INTS12: variants seen among roughly 807,000 people sequenced by gnomAD.
The protein encoded by INTS12 is integrator complex subunit 12.
A neutral mutation model predicts 41.6 loss-of-function variants in INTS12; 13 were observed. The observed-to-expected ratio is 0.31, with a 90% CI of 0.20 to 0.50. The LOEUF (loss-of-function observed/expected upper bound fraction) is 0.50. INTS12 is among the 20% of genes least tolerant of loss of function. The pLI, the probability that INTS12 is intolerant of heterozygous loss-of-function variation, is 0.98. For synonymous variants in INTS12, 199 were observed against 191.4 expected (o/e 1.04, Z -0.33); for missense variants, 432 against 541.6 (o/e 0.80, Z 2.01).
intron 6 of INTS12, among the ~76,000 whole-genome samples, chr4:105,689,804 G>A (rs1731622229): frequency 6.6e-6 from 1 of 152,182 alleles, no homozygotes; most frequent in African/African-American, 2.4e-5. Flanking sequence ...TACTTGGGAG[G>A]CTGAGGTGGG....
chr4:105,701,599 C>T (rs1449659760), intron 2 of INTS12, among the ~76,000 whole-genome samples: 1 of 152,072 alleles, frequency 6.6e-6, no homozygotes, highest in Non-Finnish European at 1.5e-5. Context: ...GTAAACCTGC[C>T]ATTCCCCCAG....
intron 1 of INTS12, chr4:105,708,174 G>A: frequency 1.0e-6 from 1 of 985,404 alleles, no homozygotes; most frequent in Non-Finnish European, 1.2e-6. Context: ...TGGAATCGCA[G>A]GAGAAAAGGC....
At chr4:105,704,500 C>G (rs570093881) in intron 1 of INTS12, among the ~76,000 whole-genome samples, 16 of 152,338 alleles carry the variant, frequency 1.1e-4, no homozygotes, top group African/African-American at 2.6e-4. Flanking sequence ...TGTGTTAAGC[C>G]TTCCAGGCAA....
chr4:105,685,013 A>T (rs1731454216), intron 7 of INTS12, among the ~76,000 whole-genome samples: 2 of 152,248 alleles, frequency 1.3e-5, no homozygotes, highest in East Asian at 3.9e-4. Context: ...GACACATAGA[A>T]GTAATATAAC....
At chr4:105,692,238 C>T in intron 5 of INTS12, 103 bp from the exon 6 acceptor site, 1 of 1,084,950 alleles carries the variant, frequency 9.2e-7, no homozygotes, top group African/African-American at 1.6e-5. Context: ...AATCCCAGCA[C>T]TTTGGGAGGC....
chr4:105,688,169 C>A (rs911115518), intron 6 of INTS12, among the ~76,000 whole-genome samples: 2 of 152,130 alleles, frequency 1.3e-5, no homozygotes, highest in African/African-American at 4.8e-5. Context: ...ACTGTTTATT[C>A]ATCATTATTA....
At chr4:105,685,373 T>C (rs1262136672) in intron 7 of INTS12, among the ~76,000 whole-genome samples, 1 of 152,150 alleles carries the variant, frequency 6.6e-6, no homozygotes, top group African/African-American at 2.4e-5. Flanking sequence ...ATGCAGAATA[T>C]AGCAACTCTA....
At chr4:105,691,237 G>A (rs1459610721) in intron 6 of INTS12, among the ~76,000 whole-genome samples, 1 of 152,066 alleles carries the variant, frequency 6.6e-6, no homozygotes, top group Non-Finnish European at 1.5e-5. Flanking sequence ...TTTAAGGCAG[G>A]GGAAGAGAGA....
At chr4:105,707,933 A>C (rs1039116297) in intron 1 of INTS12, 20 of 984,908 alleles carry the variant, frequency 2.0e-5, no homozygotes, top group Non-Finnish European at 2.4e-5. Context: ...CAATCTCAAA[A>C]GAAGTCCAAA....
intron 4 of INTS12, among the ~76,000 whole-genome samples, chr4:105,695,276 T>C (rs1381124117): frequency 6.6e-6 from 1 of 152,064 alleles, no homozygotes; most frequent in Non-Finnish European, 1.5e-5. Context: ...GTTACTATAC[T>C]CCCTAGGACT....
intron 1 of INTS12, 136 bp from the exon 2 acceptor site, chr4:105,703,945 C>T (rs975714646): frequency 3.3e-5 from 5 of 152,076 alleles, no homozygotes; most frequent in Non-Finnish European, 5.9e-5. Context: ...TGTAGTGTCA[C>T]CTGGATCTGG....
chr4:105,708,420 G>C, intron 1 of INTS12: 3 of 985,450 alleles, frequency 3.0e-6, no homozygotes, highest in Non-Finnish European at 3.6e-6. Context: ...AAATATGCTC[G>C]GTCCGCATGT....
At chr4:105,694,996 C>A (rs1731809838) in intron 4 of INTS12, among the ~76,000 whole-genome samples, 1 of 152,034 alleles carries the variant, frequency 6.6e-6, no homozygotes, top group Admixed American at 6.5e-5. Context: ...ACGATCACCG[C>A]TCACTGCAAT....
chr4:105,695,037 AC>A (rs1276121745), intron 4 of INTS12, among the ~76,000 whole-genome samples: 8 of 63,332 alleles, frequency 1.3e-4, no homozygotes, highest in African/African-American at 5.1e-4. Context: ...CAATCCTCCC[AC>A]CCCCCACCCG....
In INTS12 at chr4:105,686,781, G is replaced by C; in HGVS notation, c.715C>G (p.Pro239Ala). The C allele has an allele frequency of 6.2e-7, 1 of 1,613,678 alleles. No individual in the cohort carries two copies. The highest frequency in any genetic ancestry group is 8.5e-7 in the Non-Finnish European group (1 of 1,179,790). ...TTAACCAATGGATCTTTGACAGCTG[G>C]AGTTACAGAAACAACTGCAGGGGCT... ...KPAPAVVSVT[P>A]AVKDPLVKKP... The change falls in exon 7 of 8, where the codon CCA becomes GCA. Residue 239 changes from proline (P) to alanine (A), a missense_variant. Around this residue, in one of 3 missense-constraint regions of INTS12, gnomAD observed 258 missense variants for 309.9 expected, o/e 0.83. Transcript: ENST00000340139.
rs151045255 is a variant in INTS12 at position 105,703,415 on chromosome 4, A to T, written c.-10+233T>A. On this transcript the variant is annotated intron_variant, in intron 2 of 7. Transcript: ENST00000340139. ...AAATGCATATAGCACAAAAATCGCCATTACTGAACAATGATCTTTTTTCTG... is the reference window on the plus strand; with the variant it reads ...AAATGCATATAGCACAAAAATCGCCTTTACTGAACAATGATCTTTTTTCTG... 4.2e-3 allele frequency among the ~76,000 whole-genome samples: 646 copies of T among 152,322 alleles called. 2 individuals are homozygous for T. The highest frequency in any genetic ancestry group is 0.024 in the Middle Eastern group (7 of 294).
Position 105,699,993 on chromosome 4 carries a change from C to T in INTS12, c.13G>A (p.Val5Met). 1 of 1,504,854 alleles carries T rather than the reference C, an allele frequency of 6.6e-7. No individual in the cohort carries two copies. Among genetic ancestry groups the T allele is most frequent in the Admixed American group, 1.8e-5 (1 of 54,070 alleles). The allele number at this position is 1,504,854 out of a possible 1,614,324, so 93.2% of individuals were successfully genotyped here. A position where few individuals can be genotyped will look rare whatever the true frequency, so the allele number is the denominator to read the frequency against. Residue 5 changes from valine (V) to methionine (M), a missense_variant, in exon 3 of 8, where the codon GTG becomes ATG. Physicochemically the swap from Val to Met is conservative, Grantham distance 21 (BLOSUM62 1). This residue lies in a region of INTS12 where 168 missense variants were observed against 198.9 expected (regional missense o/e 0.84). Transcript: ENST00000340139. MAAT[V>M]NLELDPIFLK... ...AAAATGGGATCAAGTTCCAAGTTCA[C>T]AGTAGCAGCCATTGCAAACGCCTGA...
Position 105,693,867 on chromosome 4 carries a change from A to T in INTS12, c.310-381T>A, listed in dbSNP as rs764508490. Among the ~76,000 whole-genome samples, 68 of 151,374 alleles carry T rather than the reference A, an allele frequency of 4.5e-4. 1 individual carries two copies. Among genetic ancestry groups the T allele is most frequent in the Non-Finnish European group, 1.6e-4 (11 of 67,674 alleles). Reference sequence around the variant, plus strand: ...TTCCCTTCTTTAAGATATAAATATTATCAATATACCCATTAGATTTGGCAA... The same window carrying T: ...TTCCCTTCTTTAAGATATAAATATTTTCAATATACCCATTAGATTTGGCAA... On this transcript the variant is annotated intron_variant, in intron 4 of 7. Coordinates refer to ENST00000340139, the MANE Select transcript of INTS12 (RefSeq NM_020395.4).
Position 105,708,484 on chromosome 4 carries a change from A to AT in INTS12, c.-172+153_-172+154insA, listed in dbSNP as rs145106449. The AT allele has an allele frequency of 2.8e-3, 2,711 of 985,436 alleles. 65 individuals carry two copies. The African/African-American group carries it at 0.045, about 16-fold the overall frequency. The allele number at this position is 985,436 out of a possible 1,614,324, so 61.0% of individuals were successfully genotyped here. ...ACAGTCCTCACTGAAAGGGGAGAGCAGTCAGTCTAGGGCACGCAACCGCCC... is the reference window on the plus strand; with the variant it reads ...ACAGTCCTCACTGAAAGGGGAGAGCATGTCAGTCTAGGGCACGCAACCGCCC... On this transcript the variant is annotated intron_variant, in intron 1 of 7. Coordinates refer to ENST00000340139, the MANE Select transcript of INTS12 (RefSeq NM_020395.4).
Sources: gnomAD v4.1 joint callset for allele counts (sites outside exome capture counted in the v4.1 genomes callset) on GRCh38, gnomAD v4.1.1 for gene constraint, gnomAD v4.1.1 regional missense constraint, MANE v1.5 for transcripts, NCBI Gene and HGNC (gene_info 2026-07-23, HGNC 2026-07-21) for gene names.